The following WDR7 variants were observed in gnomAD, a reference collection of about 807,000 sequenced individuals.
WDR7 encodes WD repeat-containing protein 7.
In WDR7, 46 loss-of-function variants were observed where a neutral mutation model predicts 169.4. That is an observed-to-expected ratio of 0.27 (90% confidence interval 0.21 to 0.35). The LOEUF (loss-of-function observed/expected upper bound fraction) is 0.35, where lower values mean the gene tolerates loss of function less well. Among genes scored for constraint, WDR7 ranks in the 10% least tolerant of loss-of-function variants. The probability of loss-of-function intolerance (pLI) is 1.00; values close to 1 mark genes in which losing one functional copy is unlikely to be tolerated. For synonymous variants in WDR7, 612 were observed against 666.8 expected (o/e 0.92, Z 1.27); for missense variants, 1,534 against 1,859.3 (o/e 0.83, Z 3.22).
At position 56,957,668 on chromosome 18, in the gene WDR7, T is replaced by C. The variant is rs982904978; in HGVS notation, c.4065-4762T>C. Among the ~76,000 whole-genome samples the C allele has an allele frequency of 2.0e-5, 3 of 152,264 alleles. No homozygotes were observed. The South Asian group carries it at 6.2e-4, about 32-fold the overall frequency. The stretch of plus-strand genomic sequence containing the variant: ...GATACTTAGGACAGTGCCTGATACA[T>C]AATACTCAGTAAATGTTAGCTGCAC... On this transcript the variant is annotated intron_variant, in intron 25 of 27. Coordinates refer to ENST00000254442, the MANE Select transcript of WDR7 (RefSeq NM_015285.3).
Position 56,734,412 on chromosome 18 carries a change from A to G in WDR7, c.1989+2815A>G, listed in dbSNP as rs189216252. 1.9e-4 allele frequency among the ~76,000 whole-genome samples: 29 copies of G among 151,926 alleles called. No individual in the cohort carries two copies. The East Asian group carries it at 5.0e-3, about 26-fold the overall frequency. Reference sequence around the variant, plus strand: ...CATTTCTGTCTTCTACCTACATCACATCATGCTGGTAGTAGCCTCCTCTTT... The same window carrying G: ...CATTTCTGTCTTCTACCTACATCACGTCATGCTGGTAGTAGCCTCCTCTTT... On this transcript the variant is annotated intron_variant, in intron 14 of 27. Transcript: ENST00000254442.
At chr18:56,747,679 T>C (rs1018808773) in intron 14 of WDR7, among the ~76,000 whole-genome samples, 1 of 152,030 alleles carries the variant, frequency 6.6e-6, no homozygotes, top group Non-Finnish European at 1.5e-5. Flanking sequence ...GAGAGAGGCT[T>C]GACATTAGGA....
At chr18:56,954,198 C>T (rs1035341550) in intron 25 of WDR7, among the ~76,000 whole-genome samples, 1 of 152,178 alleles carries the variant, frequency 6.6e-6, no homozygotes, top group Admixed American at 6.5e-5. Context: ...GTGTTTAATA[C>T]TGTTTTTGCT....
intron 6 of WDR7, 70 bp downstream of exon 6, chr18:56,686,102 T>C: frequency 7.8e-7 from 1 of 1,286,614 alleles, no homozygotes; most frequent in South Asian, 1.4e-5. Context: ...AGTAATGATA[T>C]GCCCCTTCCA....
intron 22 of WDR7, among the ~76,000 whole-genome samples, chr18:56,927,483 A>T (rs532518087): frequency 6.6e-6 from 1 of 152,204 alleles, no homozygotes; most frequent in South Asian, 2.1e-4. Context: ...GGCATGTGGC[A>T]TACACCTGTG....
At chr18:56,660,185 G>C (rs1289872445) in intron 1 of WDR7, among the ~76,000 whole-genome samples, 1 of 152,168 alleles carries the variant, frequency 6.6e-6, no homozygotes. Context: ...ACTGTGGGAG[G>C]GGCACCATTG....
chr18:56,787,912 C>T lies in WDR7; in HGVS notation c.3190+6256C>T, dbSNP rs1004632374. Among the ~76,000 whole-genome samples, 6 of 152,148 alleles carry T rather than the reference C, an allele frequency of 3.9e-5. No individual in the cohort carries two copies. In the East Asian group the frequency reaches 5.8e-4, roughly 15 times the overall value. On this transcript the variant is annotated intron_variant, in intron 19 of 27. Transcript: ENST00000254442. ...TAGGCCGATATTTTTAGGGTTTGTT[C>T]GTAGGAAGAGGACGGGGGGAAGGAT... is the stretch of plus-strand genomic sequence containing the variant.
chr18:56,685,886 C>T (rs2025433219), intron 5 of WDR7, 70 bp from the exon 6 acceptor site: 3 of 1,216,272 alleles, frequency 2.5e-6, no homozygotes, highest in East Asian at 5.1e-5. Flanking sequence ...TCAAGCAAAA[C>T]ATCTTAATAT....
chr18:56,849,546 T>C (rs1457683025), intron 20 of WDR7, among the ~76,000 whole-genome samples: 2 of 152,222 alleles, frequency 1.3e-5, no homozygotes, highest in East Asian at 3.9e-4. Context: ...TTCAAAATAA[T>C]CACCTAATTC....
chr18:57,026,903 A>G (rs923242185), intron 27 of WDR7, 101 bp from the exon 28 acceptor site: 2 of 1,232,590 alleles, frequency 1.6e-6, no homozygotes, highest in Non-Finnish European at 2.3e-6. Context: ...GAGAATAACC[A>G]TGATGGAGGG....
chr18:56,910,485 A>G (rs1172336472), intron 21 of WDR7, among the ~76,000 whole-genome samples: 2 of 152,140 alleles, frequency 1.3e-5, no homozygotes, highest in African/African-American at 2.4e-5. Flanking sequence ...TAGTCATATG[A>G]TATGGTATGT....
At chr18:56,771,408 G>C (rs2044154047) in intron 16 of WDR7, among the ~76,000 whole-genome samples, 1 of 152,084 alleles carries the variant, frequency 6.6e-6, no homozygotes, top group Non-Finnish European at 1.5e-5. Context: ...GATTGGTTAG[G>C]AGATGTGTGT....
At chr18:56,836,062 G>A (rs891413159) in intron 20 of WDR7, among the ~76,000 whole-genome samples, 20 of 152,278 alleles carry the variant, frequency 1.3e-4, no homozygotes, top group East Asian at 1.9e-4. Context: ...AAAGAAAAAT[G>A]TGAAGATTAA....
At chr18:56,697,420 G>A (rs1044072662) in intron 12 of WDR7, among the ~76,000 whole-genome samples, 13 of 152,136 alleles carry the variant, frequency 8.5e-5, no homozygotes, top group African/African-American at 3.1e-4. Context: ...TGGTGGCTTT[G>A]TAAGAAATCC....
intron 20 of WDR7, 50 bp from the exon 21 acceptor site, chr18:56,879,892 CTT>C (rs750374096): frequency 1.4e-6 from 2 of 1,445,224 alleles, no homozygotes; most frequent in East Asian, 4.5e-5. Flanking sequence ...AATCATGTGT[CTT>C]TTTGTATATT....
intron 19 of WDR7, among the ~76,000 whole-genome samples, chr18:56,801,073 A>T (rs906119054): frequency 6.6e-6 from 1 of 152,168 alleles, no homozygotes; most frequent in Admixed American, 6.5e-5. Context: ...GTTCATACTG[A>T]TATTTCTCAT....
At chr18:56,972,948 C>G (rs143155834) in intron 26 of WDR7, among the ~76,000 whole-genome samples, 4,617 of 152,272 alleles carry the variant, frequency 0.03, 120 homozygotes, top group African/African-American at 0.072. Flanking sequence ...ACTGCAACCT[C>G]TGTTTCCTGG....
At chr18:57,015,876 C>T (rs1215648797) in intron 26 of WDR7, among the ~76,000 whole-genome samples, 1 of 152,200 alleles carries the variant, frequency 6.6e-6, no homozygotes, top group African/African-American at 2.4e-5. Flanking sequence ...CACTGACTGC[C>T]TTGAATTTCT....
At chr18:56,955,498 G>A (rs112982146) in intron 25 of WDR7, among the ~76,000 whole-genome samples, 1 of 152,092 alleles carries the variant, frequency 6.6e-6, no homozygotes, top group African/African-American at 2.4e-5. Context: ...CTTGTAAATT[G>A]TAAGTATTTG....
Sources: allele counts gnomAD v4.1 joint callset (sites outside exome capture counted in the v4.1 genomes callset), GRCh38; gene constraint gnomAD v4.1.1; transcripts MANE v1.5; gene names NCBI Gene and HGNC (gene_info 2026-07-23, HGNC 2026-07-21).